Variants in RAB5IF observed in about 807,000 individuals in gnomAD.
The protein encoded by RAB5IF is GEL complex subunit OPTI.
A neutral mutation model predicts 20.3 loss-of-function variants in RAB5IF; 15 were observed. That is an observed-to-expected ratio of 0.74 (90% CI 0.50 to 1.14). The LOEUF is 1.14. Among genes scored for constraint, RAB5IF ranks in the 50% most tolerant of loss-of-function variants. The pLI is 0.00. For missense variants in RAB5IF, 148 were observed against 159.5 expected, an observed-to-expected ratio of 0.93 and a Z score of 0.39; for synonymous variants, 67 against 63.7, an observed-to-expected ratio of 1.05 and a Z score of -0.25.
At chr20:36,609,195 G>GA (rs1568595472) in intron 2 of RAB5IF, among the ~76,000 whole-genome samples, 2 of 34,004 alleles carry the variant, frequency 5.9e-5, no homozygotes, top group Non-Finnish European at 1.1e-4. Context: ...ACACACACAC[G>GA]CACACACGCA....
intron 2 of RAB5IF, among the ~76,000 whole-genome samples, chr20:36,609,238 C>A (rs1230552365): frequency 7.6e-6 from 1 of 132,392 alleles, no homozygotes; most frequent in Non-Finnish European, 1.6e-5. Context: ...CACACACACA[C>A]ACACACACAC....
chr20:36,611,493 CAAAAAA>C (rs60975859), intron 3 of RAB5IF, among the ~76,000 whole-genome samples: 3 of 46,522 alleles, frequency 6.4e-5, no homozygotes, highest in African/African-American at 1.4e-4. Context: ...CAGCAGGACT[CAAAAAA>C]AAAAAAAAAA....
chr20:36,612,509 T>C lies in RAB5IF; in HGVS notation c.*458T>C. 2.3e-6 allele frequency: 1 copy of C among 443,528 alleles called. No individual in the cohort carries two copies. The highest frequency in any genetic ancestry group is 2.5e-5 in the South Asian group (1 of 40,134). The allele number at this position is 443,528 out of a possible 1,614,324, so 27.5% of individuals were successfully genotyped here. On this transcript the variant is annotated 3_prime_UTR_variant, in exon 4 of 4. Transcript: ENST00000344795. ...ATGCAGCATCTAATAAGAGTTTCCA[T>C]TGTAGAATGTTTTCACATACTTGAA...
chr20:36,610,878 CT>C (rs1017133168), intron 3 of RAB5IF, among the ~76,000 whole-genome samples: 1 of 152,162 alleles, frequency 6.6e-6, no homozygotes, highest in African/African-American at 2.4e-5. Flanking sequence ...TTGCCAGTGG[CT>C]GGGAGGAGGG....
In RAB5IF at chr20:36,605,988, C is replaced by T. The variant is rs1255802639; in HGVS notation, c.37C>T (p.Pro13Ser). 2.0e-6 allele frequency: 3 copies of T among 1,522,542 alleles called. No individual in the cohort carries two copies. Among genetic ancestry groups the T allele is most frequent in the East Asian group, 2.6e-5 (1 of 38,556 alleles). The allele number at this position is 1,522,542 out of a possible 1,614,324, so 94.3% of individuals were successfully genotyped here. A position where few individuals can be genotyped will look rare whatever the true frequency, so the allele number is the denominator to read the frequency against. The part of the protein sequence containing the change: ...GGRRKEEPPQ[P>S]QLANGALKVS... ...GCGGCGGAAGGAGGAGCCGCCTCAG[C>T]CGCAGCTGGCCAACGGGGCCCTCAA... The change falls in exon 1 of 4, where the codon CCG (proline) becomes TCG (serine). Residue 13 changes from proline to serine, a missense_variant. Transcript: ENST00000344795.
chr20:36,606,582 A>C (rs1018119931), intron 1 of RAB5IF, among the ~76,000 whole-genome samples: 2 of 152,156 alleles, frequency 1.3e-5, no homozygotes, highest in African/African-American at 4.8e-5. Flanking sequence ...AGGCTCGCTA[A>C]TCTTGAGCTG....
At chr20:36,609,191 ACACGCACACACGCACACACGCACACAC>A (rs2039024729) in intron 2 of RAB5IF, among the ~76,000 whole-genome samples, 1 of 52,688 alleles carries the variant, frequency 1.9e-5, no homozygotes, top group Non-Finnish European at 3.6e-5. Flanking sequence ...ACACACACAC[ACACGCACACACGCACACACGCACACAC>A]GCACACACAC....
Position 36,612,056 on chromosome 20 carries a change from G to A in RAB5IF, c.*5G>A, listed in dbSNP as rs145156759. 1.7e-4 allele frequency: 272 copies of A among 1,614,150 alleles called. 1 individual carries two copies. The African/African-American group carries it at 3.4e-3, about 20-fold the overall frequency. ...ACTGCCATCCATTATGACTGATGGT[G>A]TACAGCTCCCAAGTGCTCCCTATCC... On this transcript the variant is annotated 3_prime_UTR_variant, in exon 4 of 4. Transcript: ENST00000344795.
chr20:36,609,228 C>CACACACAG (rs2039037159), intron 2 of RAB5IF, among the ~76,000 whole-genome samples: 1 of 125,202 alleles, frequency 8.0e-6, no homozygotes, highest in African/African-American at 3.5e-5. Flanking sequence ...CGCACACACA[C>CACACACAG]ACACACACAC....
intron 2 of RAB5IF, among the ~76,000 whole-genome samples, chr20:36,609,256 C>CACACAA (rs1555790839): frequency 1.6e-5 from 2 of 121,668 alleles, no homozygotes; most frequent in African/African-American, 3.7e-5. Context: ...CACACACACA[C>CACACAA]TATATATAGA....
chr20:36,609,255 A>ACACACACACT (rs1568595802), intron 2 of RAB5IF, among the ~76,000 whole-genome samples: 8 of 116,528 alleles, frequency 6.9e-5, no homozygotes, highest in East Asian at 2.3e-4. Flanking sequence ...ACACACACAC[A>ACACACACACT]CTATATATAG....
chr20:36,606,634 C>T (rs549556620), intron 1 of RAB5IF, among the ~76,000 whole-genome samples: 19 of 152,266 alleles, frequency 1.2e-4, no homozygotes, highest in African/African-American at 4.1e-4. Context: ...CTTTGATAAG[C>T]ATGAGTCAAG....
In RAB5IF at chr20:36,609,808, T is replaced by G. The variant is rs546742666; in HGVS notation, c.348+78T>G. ...ACTCACAGGAGGGGACCCCACTGAT[T>G]GAGTTACACTGTGTGAGCAGGGTGC... is the stretch of plus-strand genomic sequence containing the variant. On this transcript the variant is annotated intron_variant, in intron 3 of 3. Transcript: ENST00000344795. 6.2e-6 allele frequency: 10 copies of G among 1,613,256 alleles called. No homozygotes were observed. The East Asian group carries it at 1.6e-4, about 25-fold the overall frequency.
At chr20:36,611,975 A>C (rs1281128954) in intron 3 of RAB5IF, 35 bp from the exon 4 acceptor site, 2 of 1,611,536 alleles carry the variant, frequency 1.2e-6, no homozygotes, top group East Asian at 4.5e-5. Flanking sequence ...GTGTTAAGCC[A>C]GGTGACCTAT....
rs2039018286 is a variant in RAB5IF, at chr20:36,609,173, A to ACACACACACACC, written c.219-417_219-416insCCACACACACAC. 9.1e-5 allele frequency among the ~76,000 whole-genome samples: 2 copies of ACACACACACACC among 21,980 alleles called. 1 individual carries two copies. Among genetic ancestry groups the ACACACACACACC allele is most frequent in the Non-Finnish European group, 1.8e-4 (2 of 11,124 alleles). The allele number at this position is 21,980 out of a possible 152,430, so 14.4% of individuals were successfully genotyped here. A position where few individuals can be genotyped will look rare whatever the true frequency, so the allele number is the denominator to read the frequency against. On this transcript the variant is annotated intron_variant, in intron 2 of 3. Transcript: ENST00000344795. ...AACTATATTACACACACACACACAC[A>ACACACACACACC]CACACACACACACACACACACGCAC...
At chr20:36,611,695 C>T (rs562137533) in intron 3 of RAB5IF, among the ~76,000 whole-genome samples, 5 of 152,112 alleles carry the variant, frequency 3.3e-5, no homozygotes, top group Non-Finnish European at 7.4e-5. Context: ...TTGGTAGTCG[C>T]AGCACCTGCT....
rs908449525 is a variant in RAB5IF, at chr20:36,605,791, G to T, written c.-161G>T. On this transcript the variant is annotated 5_prime_UTR_variant, in exon 1 of 4. Transcript: ENST00000344795. The stretch of plus-strand genomic sequence containing the variant: ...CGGCGCCTGCTCTGTAGAGCCGGCG[G>T]AACCGGGTAGCTTGGCCAGGTTGTG... 9 of 402,884 alleles carry T rather than the reference G, an allele frequency of 2.2e-5. No homozygotes were observed. The Admixed American group carries it at 4.1e-4, about 18-fold the overall frequency. 25.0% of individuals were successfully genotyped at this position (402,884 alleles called of 1,614,324 possible). A position where few individuals can be genotyped will look rare whatever the true frequency, so the allele number is the denominator to read the frequency against.
chr20:36,609,842 TA>T (rs1408257513), intron 3 of RAB5IF, 112 bp downstream of exon 3: 2 of 1,600,238 alleles, frequency 1.2e-6, no homozygotes, highest in Non-Finnish European at 1.7e-6. Flanking sequence ...GCTATTTTTC[TA>T]AAGGCTTCTG....
chr20:36,609,712 C>G lies in RAB5IF; in HGVS notation c.330C>G (p.Thr110=). ...AGCTCACGAAGGAAGGGTTTATGAC[C>G]TCTTTTGCCTTGTTCATGGTATGTG... ...TWELTKEGFM[T]SFALFMVIWI... The change falls in exon 3 of 4, where the codon ACC becomes ACG. Residue 110 remains threonine, a synonymous_variant. Transcript: ENST00000344795. 2 of 1,614,162 alleles carry G rather than the reference C, an allele frequency of 1.2e-6. No individual in the cohort carries two copies. Among genetic ancestry groups the G allele is most frequent in the Non-Finnish European group, 1.7e-6 (2 of 1,180,022 alleles).
Sources: gnomAD v4.1 joint callset for allele counts (sites outside exome capture counted in the v4.1 genomes callset) on GRCh38, gnomAD v4.1.1 for gene constraint, MANE v1.5 for transcripts, NCBI Gene and HGNC (gene_info 2026-07-23, HGNC 2026-07-21) for gene names.